The following NBPF14 variants were observed in gnomAD, a reference collection of about 807,000 sequenced individuals.
NBPF14 encodes NBPF member 14.
Under a neutral mutation model 91.2 loss-of-function variants are expected in NBPF14, and 104 were observed. The ratio of observed to expected loss-of-function variants is 1.14; its 90% CI spans 0.97 to 1.34. NBPF14 has a LOEUF of 1.34. Ranked by LOEUF, NBPF14 falls within the 40% of genes most tolerant of loss-of-function variation. The pLI, the probability that NBPF14 is intolerant of heterozygous loss-of-function variation, is 0.00. For missense variants in NBPF14, 908 were observed against 783.0 expected, an observed-to-expected ratio of 1.16 and a Z score of -1.91; for synonymous variants, 294 against 303.8, an observed-to-expected ratio of 0.97 and a Z score of 0.34.
At chr1:148,589,670 T>G (rs1662115391) in intron 6 of NBPF14, among the ~76,000 whole-genome samples, 1 of 110,006 alleles carries the variant, frequency 9.1e-6, no homozygotes, top group African/African-American at 3.3e-5. Flanking sequence ...ACCCCATGAG[T>G]GGCCAATGTT....
chr1:148,566,188 A>G (rs1658230952), exon 29 of NBPF14: 1 of 554,384 alleles, frequency 1.8e-6, no homozygotes, highest in South Asian at 1.8e-5. Context: ...TCCAATGCAT[A>G]AAAGGAACTT....
intron 22 of NBPF14, among the ~76,000 whole-genome samples, 195 bp from the exon 23 acceptor site, chr1:148,571,232 T>C (rs1431541208): frequency 0.011 from 583 of 55,170 alleles, 1 homozygote; most frequent in African/African-American, 0.014. Context: ...GAAAGACAGA[T>C]AGACACACAC....
At chr1:148,535,322 C>T (rs1398695685) in intron 68 of NBPF14, 131 bp downstream of exon 68, 1 of 605,028 alleles carries the variant, frequency 1.7e-6, no homozygotes, top group Non-Finnish European at 2.9e-6. Context: ...CAATGAAAAC[C>T]AACAGCAATG....
In NBPF14 at chr1:148,577,539, G is replaced by T. The variant is rs1660068903; in HGVS notation, c.1854-184C>A. ...TGGCCAGGTAGAAAAGGATGAACGA[G>T]AAAGACACACACACACACACACACA... On this transcript the variant is annotated intron_variant, in intron 14 of 70. Coordinates refer to ENST00000619423, the Ensembl canonical transcript of NBPF14. Among the ~76,000 whole-genome samples the T allele has an allele frequency of 1.0e-4, 13 of 124,728 alleles. No homozygotes were observed. In the South Asian group the frequency reaches 3.3e-3, roughly 31 times the overall value. The allele number at this position is 124,728 out of a possible 152,430, so 81.8% of individuals were successfully genotyped here. A position where few individuals can be genotyped will look rare whatever the true frequency, so the allele number is the denominator to read the frequency against.
Position 148,533,929 on chromosome 1 carries a change from T to TCTTCCCCTTCTATTTTTCCC in NBPF14, c.8654_8655insGGGAAAAATAGAAGGGGAAG (p.Arg2886GlyfsTer35), listed in dbSNP as rs1654319005. ...CCCTTCTTCTTTCCTTCTTTGATCT[T>TCTTCCCCTTCTATTTTTCCC]CTTCCCCTTCTTTTTTTCCCCTTCC... On this transcript the variant is annotated frameshift_variant, in exon 70 of 71. Coordinates refer to ENST00000619423, the Ensembl canonical transcript of NBPF14. LOFTEE classifies it high-confidence loss of function. 2 of 743,514 alleles carry TCTTCCCCTTCTATTTTTCCC rather than the reference T, an allele frequency of 2.7e-6. No homozygotes were observed. Among genetic ancestry groups the TCTTCCCCTTCTATTTTTCCC allele is most frequent in the African/African-American group, 3.5e-5 (2 of 56,968 alleles). The allele number at this position is 743,514 out of a possible 1,614,324, so 46.1% of individuals were successfully genotyped here.
At chr1:148,566,277 A>T in exon 29 of NBPF14, 1 of 667,470 alleles carries the variant, frequency 1.5e-6, no homozygotes. Flanking sequence ...GTCCTGCAAG[A>T]CTTCAGGCTC....
rs1389692858 is a variant in NBPF14 at position 148,590,274 on chromosome 1, G to C, written c.778+483C>G. ...GGGTTTCACCGTGTTAGCCAGGATG[G>C]TCTCAATCTCCTGACCTCATGATCC... On this transcript the variant is annotated intron_variant, in intron 6 of 70. Transcript: ENST00000619423. Among the ~76,000 whole-genome samples the C allele has an allele frequency of 4.6e-3, 647 of 140,952 alleles. 28 individuals are homozygous for C. The highest frequency in any genetic ancestry group is 0.016 in the African/African-American group (622 of 38,746). 92.5% of individuals were successfully genotyped at this position (140,952 alleles called of 152,430 possible).
intron 2 of NBPF14, among the ~76,000 whole-genome samples, chr1:148,595,342 T>C (rs1435551891): frequency 1.3e-5 from 2 of 148,250 alleles, no homozygotes; most frequent in African/African-American, 2.5e-5. Flanking sequence ...TCCACCCCCA[T>C]CTGATTGCAA....
chr1:148,586,944 G>A (rs1189270458), intron 8 of NBPF14, among the ~76,000 whole-genome samples: 7 of 144,662 alleles, frequency 4.8e-5, no homozygotes, highest in East Asian at 2.0e-4. Context: ...ATGAGAAGCC[G>A]CAGTCAGTCA....
intron 6 of NBPF14, among the ~76,000 whole-genome samples, chr1:148,590,040 CTTTTTTTTTTTT>C (rs1196401979): frequency 1.3e-5 from 1 of 76,348 alleles, no homozygotes; most frequent in Non-Finnish European, 2.6e-5. Context: ...CAGAGACTTA[CTTTTTTTTTTTT>C]TTTTTTTTTT....
intron 70 of NBPF14, 82 bp from the exon 71 acceptor site, chr1:148,533,330 A>C (rs1654045552): frequency 2.1e-6 from 1 of 483,256 alleles, no homozygotes; most frequent in South Asian, 2.2e-5. Context: ...GAAGCAACAT[A>C]AGGAAGTGGT....
At chr1:148,560,041 T>G (rs2149503996) in intron 36 of NBPF14, 76 bp from the exon 37 acceptor site, 1 of 700,494 alleles carries the variant, frequency 1.4e-6, no homozygotes, top group East Asian at 2.8e-5. Flanking sequence ...ATTTCATGGC[T>G]AACGTAAGGA....
At chr1:148,532,158 G>A (rs1234404575) in exon 71 of NBPF14, 1 of 152,374 alleles carries the variant, frequency 6.6e-6, no homozygotes, top group East Asian at 1.9e-4. Flanking sequence ...TGTGATTTGT[G>A]GTGATATGGA....
At position 148,533,843 on chromosome 1, in the gene NBPF14, A is replaced by G; in HGVS notation, c.8723+18T>C. On this transcript the variant is annotated intron_variant, in intron 70 of 70. Coordinates refer to ENST00000619423, the Ensembl canonical transcript of NBPF14. ...GGAGTTAACACAGAACTAAGGATCC[A>G]CAATTGCTGAAAGTCACCTGGGGCA... The G allele has an allele frequency of 1.3e-6, 1 of 765,962 alleles. No homozygotes were observed. The allele number at this position is 765,962 out of a possible 1,614,324, so 47.4% of individuals were successfully genotyped here. A position where few individuals can be genotyped will look rare whatever the true frequency, so the allele number is the denominator to read the frequency against.
chr1:148,535,144 C>A (rs1241963142), intron 68 of NBPF14, among the ~76,000 whole-genome samples: 5 of 148,322 alleles, frequency 3.4e-5, no homozygotes, highest in Non-Finnish European at 7.4e-5. Context: ...AGTTAGTGCC[C>A]TCGGGACACA....
rs1654962857 is a variant in NBPF14 at position 148,535,447 on chromosome 1, A to C, written c.8441+6T>G. ...GAATTAAGCATCCATAATTGCTCAA[A>C]GTTACCTGGGGCATGATGGGTCTTG... On this transcript the variant is annotated splice_donor_region_variant and intron_variant, in intron 68 of 70. Transcript: ENST00000619423. 1 of 482,636 alleles carries C rather than the reference A, an allele frequency of 2.1e-6. No individual in the cohort carries two copies. Among genetic ancestry groups the C allele is most frequent in the Non-Finnish European group, 3.5e-6 (1 of 284,892 alleles). The allele number at this position is 482,636 out of a possible 1,614,324, so 29.9% of individuals were successfully genotyped here. A position where few individuals can be genotyped will look rare whatever the true frequency, so the allele number is the denominator to read the frequency against.
chr1:148,591,303 G>A (rs1571056778), intron 5 of NBPF14, 129 bp downstream of exon 5: 1 of 1,407,906 alleles, frequency 7.1e-7, no homozygotes, highest in Non-Finnish European at 1.0e-6. Context: ...TCTAAGCTGG[G>A]TTGAATTTCA....
In NBPF14 at chr1:148,532,416, T is replaced by C. The variant is rs1487410267; in HGVS notation, c.*589A>G. 4.4e-3 allele frequency: 720 copies of C among 161,876 alleles called. 5 individuals are homozygous for C. Among genetic ancestry groups the C allele is most frequent in the Non-Finnish European group, 6.5e-3 (476 of 73,302 alleles). 10.0% of individuals were successfully genotyped at this position (161,876 alleles called of 1,614,324 possible). A position where few individuals can be genotyped will look rare whatever the true frequency, so the allele number is the denominator to read the frequency against. Reference sequence around the variant, plus strand: ...CCAATGCTGTTTGTCCATCTAGCTGTGGTCTTCCTAAGTACTGACACCAAT... The same window carrying C: ...CCAATGCTGTTTGTCCATCTAGCTGCGGTCTTCCTAAGTACTGACACCAAT... On this transcript the variant is annotated 3_prime_UTR_variant, in exon 71 of 71. Coordinates refer to ENST00000619423, the Ensembl canonical transcript of NBPF14.
In NBPF14 at chr1:148,539,285, G is replaced by A. The variant is rs1570918141; in HGVS notation, c.7882+125C>T. 4 of 636,566 alleles carry A rather than the reference G, an allele frequency of 6.3e-6. 1 individual carries two copies. The highest frequency in any genetic ancestry group is 5.0e-5 in the South Asian group (3 of 60,450). 39.4% of individuals were successfully genotyped at this position (636,566 alleles called of 1,614,324 possible). A position where few individuals can be genotyped will look rare whatever the true frequency, so the allele number is the denominator to read the frequency against. ...ACTACAGTTTCTTTACAACCTATAT[G>A]CGCCCATAGGTCCTGACTGCGGCAA... On this transcript the variant is annotated intron_variant, in intron 63 of 70. Transcript: ENST00000619423.
Sources: allele counts gnomAD v4.1 joint callset (sites outside exome capture counted in the v4.1 genomes callset), GRCh38; gene constraint gnomAD v4.1.1; transcripts MANE v1.5; gene names NCBI Gene and HGNC (gene_info 2026-07-23, HGNC 2026-07-21).